Variants in LRRC3B observed in about 807,000 individuals in gnomAD.
The protein encoded by LRRC3B is leucine-rich repeat-containing protein 3B.
A neutral mutation model predicts 12.8 loss-of-function variants in LRRC3B; 2 were observed. That is an observed-to-expected ratio of 0.16 (90% CI 0.06 to 0.49). The LOEUF (loss-of-function observed/expected upper bound fraction) is 0.49, where lower values mean the gene tolerates loss of function less well. Ranked by LOEUF, LRRC3B falls within the 20% of genes least tolerant of loss-of-function variation. The pLI is 0.96. For missense variants in LRRC3B, 189 were observed against 319.4 expected (o/e 0.59, Z 3.11); for synonymous variants, 132 against 122.0 (o/e 1.08, Z -0.54).
chr3:26,665,827 G>A (rs992966150), intron 1 of LRRC3B, among the ~76,000 whole-genome samples: 1 of 152,128 alleles, frequency 6.6e-6, no homozygotes, highest in Non-Finnish European at 1.5e-5. Context: ...AAGTCCCAAA[G>A]GCATGTGATG....
At chr3:26,655,867 A>T (rs1368849562) in intron 1 of LRRC3B, among the ~76,000 whole-genome samples, 1 of 152,126 alleles carries the variant, frequency 6.6e-6, no homozygotes, top group Non-Finnish European at 1.5e-5. Context: ...ATGGTTTAAA[A>T]TTCTTCATGA....
chr3:26,640,792 T>A (rs2125407650), intron 1 of LRRC3B, among the ~76,000 whole-genome samples: 1 of 152,220 alleles, frequency 6.6e-6, no homozygotes, highest in South Asian at 2.1e-4. Flanking sequence ...AAGAGTCATA[T>A]CCATTGGACT....
intron 1 of LRRC3B, among the ~76,000 whole-genome samples, chr3:26,707,141 C>CAGG (rs1318759476): frequency 2.0e-5 from 3 of 149,084 alleles, no homozygotes; most frequent in Non-Finnish European, 4.4e-5. Flanking sequence ...CACTTAAGGT[C>CAGG]AGGAGTTCAA....
intron 1 of LRRC3B, among the ~76,000 whole-genome samples, chr3:26,688,047 A>C (rs1482686672): frequency 6.6e-6 from 1 of 152,218 alleles, no homozygotes; most frequent in Non-Finnish European, 1.5e-5. Flanking sequence ...CATCAGAAGG[A>C]GGCTCAGGTA....
intron 1 of LRRC3B, among the ~76,000 whole-genome samples, chr3:26,665,537 A>C (rs907025121): frequency 3.9e-5 from 6 of 152,140 alleles, no homozygotes; most frequent in African/African-American, 1.4e-4. Flanking sequence ...TCTGAAAAGC[A>C]TGGAGTTCGG....
intron 1 of LRRC3B, among the ~76,000 whole-genome samples, chr3:26,674,659 A>G (rs1699820229): frequency 6.6e-6 from 1 of 152,214 alleles, no homozygotes; most frequent in Non-Finnish European, 1.5e-5. Context: ...AATATATATA[A>G]TGAATATTTT....
chr3:26,680,717 T>G (rs766709731), intron 1 of LRRC3B, among the ~76,000 whole-genome samples: 2 of 152,224 alleles, frequency 1.3e-5, no homozygotes, highest in Non-Finnish European at 2.9e-5. Flanking sequence ...GGCATTGCAT[T>G]TGGTAAAGGA....
At chr3:26,625,631 A>G (rs1208564812) in intron 1 of LRRC3B, 1 of 152,214 alleles carries the variant, frequency 6.6e-6, no homozygotes, top group Non-Finnish European at 1.5e-5. Flanking sequence ...TTCTTTTTGC[A>G]TGTAGAAACA....
chr3:26,647,358 G>A (rs898618498), intron 1 of LRRC3B, among the ~76,000 whole-genome samples: 5 of 152,072 alleles, frequency 3.3e-5, no homozygotes, highest in Non-Finnish European at 5.9e-5. Context: ...AGCAGAGACC[G>A]TAGCTTTTGT....
At chr3:26,670,849 C>A (rs1238369030) in intron 1 of LRRC3B, among the ~76,000 whole-genome samples, 1 of 152,038 alleles carries the variant, frequency 6.6e-6, no homozygotes. Context: ...AATAAAAGCT[C>A]AATAACTATT....
chr3:26,666,694 G>A (rs996812525), intron 1 of LRRC3B, among the ~76,000 whole-genome samples: 5 of 152,186 alleles, frequency 3.3e-5, no homozygotes, highest in Admixed American at 3.3e-4. Context: ...TCCAATATGG[G>A]TTACATCACT....
At chr3:26,658,050 A>G (rs1312596805) in intron 1 of LRRC3B, among the ~76,000 whole-genome samples, 2 of 152,128 alleles carry the variant, frequency 1.3e-5, no homozygotes, top group Admixed American at 1.3e-4. Context: ...CTGAACACCA[A>G]GCAGAGTGTC....
chr3:26,638,958 G>A (rs540467046), intron 1 of LRRC3B, among the ~76,000 whole-genome samples: 9 of 152,316 alleles, frequency 5.9e-5, no homozygotes, highest in African/African-American at 1.9e-4. Flanking sequence ...TTTGTAGCAG[G>A]TGGAGACGAG....
intron 1 of LRRC3B, among the ~76,000 whole-genome samples, chr3:26,676,125 C>T (rs1559363427): frequency 6.6e-6 from 1 of 151,578 alleles, no homozygotes; most frequent in Non-Finnish European, 1.5e-5. Context: ...GGTACATGTG[C>T]ACAACGTGCA....
At chr3:26,704,784 T>A (rs929470101) in intron 1 of LRRC3B, among the ~76,000 whole-genome samples, 1 of 152,222 alleles carries the variant, frequency 6.6e-6, no homozygotes, top group Non-Finnish European at 1.5e-5. Context: ...TTTTGTCATT[T>A]GTTCTTTGAC....
chr3:26,698,416 C>T (rs758967691), intron 1 of LRRC3B, among the ~76,000 whole-genome samples: 1 of 152,090 alleles, frequency 6.6e-6, no homozygotes, highest in Non-Finnish European at 1.5e-5. Flanking sequence ...TCCTGGAGTT[C>T]ATGAGATGCA....
At chr3:26,641,631 G>A (rs1699033626) in intron 1 of LRRC3B, among the ~76,000 whole-genome samples, 1 of 152,136 alleles carries the variant, frequency 6.6e-6, no homozygotes, top group Admixed American at 6.5e-5. Context: ...CAGGAGACTG[G>A]GGTGGTATGA....
At chr3:26,636,968 T>TTCTTTCTC (rs1559350447) in intron 1 of LRRC3B, among the ~76,000 whole-genome samples, 1 of 66,214 alleles carries the variant, frequency 1.5e-5, no homozygotes, top group African/African-American at 5.1e-5. Context: ...CTTTCTTTCT[T>TTCTTTCTC]TCTTTCTCTC....
chr3:26,660,823 A>G (rs1699477797), intron 1 of LRRC3B, among the ~76,000 whole-genome samples: 1 of 152,186 alleles, frequency 6.6e-6, no homozygotes, highest in Non-Finnish European at 1.5e-5. Flanking sequence ...TGCATGATTG[A>G]GTTACCTATT....
Sources: allele counts gnomAD v4.1 joint callset (sites outside exome capture counted in the v4.1 genomes callset), GRCh38; gene constraint gnomAD v4.1.1; transcripts MANE v1.5; gene names NCBI Gene and HGNC (gene_info 2026-07-23, HGNC 2026-07-21).